LCORL: variants seen among roughly 807,000 people sequenced by gnomAD.
LCORL encodes the protein ligand-dependent nuclear receptor corepressor-like protein.
A neutral mutation model predicts 141.8 loss-of-function variants in LCORL; 41 were observed. The observed-to-expected ratio is 0.29, with a 90% CI of 0.23 to 0.38. LCORL has a LOEUF of 0.38. Among genes scored for constraint, LCORL ranks in the 10% least tolerant of loss-of-function variants. The pLI, the probability that LCORL is intolerant of heterozygous loss-of-function variation, is 1.00. For synonymous variants in LCORL, 618 were observed against 694.1 expected (o/e 0.89, Z 1.72); for missense variants, 1,759 against 2,035.0 (o/e 0.86, Z 2.61).
chr4:17,889,549 C>T (rs1273319652), intron 5 of LCORL, among the ~76,000 whole-genome samples: 1 of 151,992 alleles, frequency 6.6e-6, no homozygotes, highest in Non-Finnish European at 1.5e-5. Context: ...TATGGAAAAT[C>T]TCACTTTTTG....
exon 7 of LCORL, chr4:17,873,707 A>C (rs1726620271): frequency 8.1e-7 from 1 of 1,233,672 alleles, no homozygotes. Flanking sequence ...TATGAGTCTG[A>C]TGAGTATTTC....
At chr4:17,842,330 T>A in exon 8 of LCORL, 4 of 1,612,150 alleles carry the variant, frequency 2.5e-6, no homozygotes, top group Non-Finnish European at 3.4e-6. Flanking sequence ...AGTGACAGTT[T>A]CAGCTAGGAC....
chr4:17,944,547 C>T (rs1004850273), intron 4 of LCORL, among the ~76,000 whole-genome samples: 1 of 152,122 alleles, frequency 6.6e-6, no homozygotes, highest in Non-Finnish European at 1.5e-5. Flanking sequence ...TTCAGGATGG[C>T]TCCTGTGTTC....
intron 1 of LCORL, among the ~76,000 whole-genome samples, chr4:17,989,266 G>T (rs1464902742): frequency 2.6e-5 from 4 of 152,150 alleles, no homozygotes; most frequent in Non-Finnish European, 4.4e-5. Context: ...TTACAATGAA[G>T]TTCTTCTAAC....
intron 5 of LCORL, among the ~76,000 whole-genome samples, chr4:17,906,429 T>A (rs919701235): frequency 3.3e-5 from 5 of 152,104 alleles, no homozygotes; most frequent in Admixed American, 2.6e-4. Context: ...ATAATTTCTA[T>A]CCTCAAGAAG....
At chr4:18,013,467 T>A (rs1461302098) in intron 1 of LCORL, among the ~76,000 whole-genome samples, 2 of 152,234 alleles carry the variant, frequency 1.3e-5, no homozygotes, top group Non-Finnish European at 2.9e-5. Flanking sequence ...TATTATAGCA[T>A]CTTTCATAGG....
intron 5 of LCORL, among the ~76,000 whole-genome samples, chr4:17,894,999 A>G (rs1345628941): frequency 1.3e-5 from 2 of 150,056 alleles, no homozygotes; most frequent in Non-Finnish European, 3.0e-5. Flanking sequence ...CTTTCCTCTG[A>G]TATTTATCTT....
chr4:17,939,786 G>A (rs898251951), intron 4 of LCORL, among the ~76,000 whole-genome samples: 7 of 151,422 alleles, frequency 4.6e-5, no homozygotes, highest in South Asian at 2.1e-4. Context: ...TGAAAGAGGC[G>A]GTGGTTCATC....
intron 4 of LCORL, among the ~76,000 whole-genome samples, chr4:17,939,020 A>G (rs572335081): frequency 6.6e-6 from 1 of 152,328 alleles, no homozygotes; most frequent in African/African-American, 2.4e-5. Context: ...ACAAACATAA[A>G]ACATTAGTAA....
intron 1 of LCORL, among the ~76,000 whole-genome samples, chr4:17,990,828 G>C (rs1719877622): frequency 1.3e-5 from 2 of 151,952 alleles, no homozygotes; most frequent in African/African-American, 4.8e-5. Context: ...AGGTGTCAAA[G>C]CCACCAGTGA....
chr4:17,999,723 A>G (rs1303535721), intron 1 of LCORL, among the ~76,000 whole-genome samples: 3 of 152,214 alleles, frequency 2.0e-5, no homozygotes, highest in Admixed American at 2.0e-4. Flanking sequence ...GTAAGAAGAA[A>G]TTGTTTTAAG....
At chr4:17,881,541 A>G in intron 6 of LCORL, 1 of 909,494 alleles carries the variant, frequency 1.1e-6, no homozygotes, top group Non-Finnish European at 1.3e-6. Context: ...ATTAACTATA[A>G]TATTACCTAT....
intron 6 of LCORL, chr4:17,882,767 C>T (rs1028623683): frequency 1.0e-6 from 1 of 984,390 alleles, no homozygotes; most frequent in African/African-American, 1.8e-5. Flanking sequence ...GTGTCACAAT[C>T]CTTAAAATTT....
Position 17,971,084 on chromosome 4 carries a change from C to T in LCORL, c.220+1736G>A, listed in dbSNP as rs972668299. On this transcript the variant is annotated intron_variant, in intron 2 of 7. Coordinates refer to ENST00000635767, the Ensembl canonical transcript of LCORL. Reference sequence around the variant, plus strand: ...GGTAAGAGTTTCAGTAAGAAAAATACGAAGTGTGCTATTTAAAAGTTTCAT... The same window carrying T: ...GGTAAGAGTTTCAGTAAGAAAAATATGAAGTGTGCTATTTAAAAGTTTCAT... Among the ~76,000 whole-genome samples the T allele has an allele frequency of 7.2e-5, 11 of 152,016 alleles. No individual in the cohort carries two copies. In the South Asian group the frequency reaches 8.3e-4, roughly 11 times the overall value.
At chr4:18,006,863 T>C (rs991475865) in intron 1 of LCORL, among the ~76,000 whole-genome samples, 4 of 152,122 alleles carry the variant, frequency 2.6e-5, no homozygotes, top group Admixed American at 2.0e-4. Flanking sequence ...TATTATATTA[T>C]ATGAAAATAC....
chr4:17,959,850 G>A (rs186127318), intron 4 of LCORL, among the ~76,000 whole-genome samples: 10 of 152,158 alleles, frequency 6.6e-5, no homozygotes, highest in South Asian at 6.2e-4. Flanking sequence ...TTAACAACAC[G>A]TCATAATACT....
chr4:17,919,798 G>A (rs1030175122), intron 4 of LCORL, among the ~76,000 whole-genome samples: 1 of 152,194 alleles, frequency 6.6e-6, no homozygotes, highest in African/African-American at 2.4e-5. Context: ...CTGCCCTGAA[G>A]TAGGACTCCA....
At chr4:17,852,391 A>T (rs1415441680) in intron 7 of LCORL, among the ~76,000 whole-genome samples, 1 of 152,038 alleles carries the variant, frequency 6.6e-6, no homozygotes, top group African/African-American at 2.4e-5. Flanking sequence ...CATTTTCTTC[A>T]TAAGAAAAAA....
chr4:17,963,616 G>A (rs1177886125), intron 2 of LCORL, among the ~76,000 whole-genome samples: 6 of 150,114 alleles, frequency 4.0e-5, no homozygotes, highest in Non-Finnish European at 7.4e-5. Flanking sequence ...AACAAATAAG[G>A]TATATTATTT....
Sources: allele counts gnomAD v4.1 joint callset (sites outside exome capture counted in the v4.1 genomes callset), GRCh38; gene constraint gnomAD v4.1.1; transcripts MANE v1.5; gene names NCBI Gene and HGNC (gene_info 2026-07-23, HGNC 2026-07-21).